Variants in SLC2A11 observed in about 807,000 individuals in gnomAD.
The protein encoded by SLC2A11 is solute carrier family 2 member 11, also known as solute carrier family 2, facilitated glucose transporter member 11.
In SLC2A11, 43 loss-of-function variants were observed where a neutral mutation model predicts 52.1. That is an observed-to-expected ratio of 0.82 (90% CI 0.65 to 1.06). The LOEUF is 1.06. SLC2A11 is among the 50% of genes least tolerant of loss of function. The probability of loss-of-function intolerance (pLI) is 0.00; values close to 1 mark genes in which losing one functional copy is unlikely to be tolerated. For synonymous variants in SLC2A11, 261 were observed against 277.6 expected (o/e 0.94, Z 0.59); for missense variants, 582 against 654.2 (o/e 0.89, Z 1.20).
At chr22:23,878,985 G>C (rs1178877941) in intron 6 of SLC2A11, among the ~76,000 whole-genome samples, 4 of 152,146 alleles carry the variant, frequency 2.6e-5, no homozygotes, top group Admixed American at 6.5e-5. Flanking sequence ...AGCAAGGCAG[G>C]CACAGTGCAG....
intron 1 of SLC2A11, among the ~76,000 whole-genome samples, chr22:23,860,696 G>A (rs749246907): frequency 2.0e-5 from 3 of 148,666 alleles, no homozygotes; most frequent in African/African-American, 5.0e-5. Flanking sequence ...TTGCGCCATT[G>A]CACTCCAGCC....
chr22:23,863,607 G>GTTTTTTTT (rs1568985269), intron 2 of SLC2A11, among the ~76,000 whole-genome samples: 11 of 113,154 alleles, frequency 9.7e-5, no homozygotes, highest in Non-Finnish European at 1.3e-4. Context: ...CTCTCTCTCT[G>GTTTTTTTT]GTTTTTTTTT....
At chr22:23,868,371 G>T in intron 2 of SLC2A11, 110 bp from the exon 3 acceptor site, 1 of 1,360,638 alleles carries the variant, frequency 7.3e-7, no homozygotes, top group South Asian at 1.3e-5. Context: ...GGTGCCTGTT[G>T]TCATTGCCTG....
chr22:23,863,695 C>A (rs572228111), intron 2 of SLC2A11, among the ~76,000 whole-genome samples: 1 of 143,864 alleles, frequency 7.0e-6, no homozygotes, highest in East Asian at 2.1e-4. Flanking sequence ...CGGTTCACTG[C>A]AACCTCCGCC....
rs35493116 is a variant in SLC2A11 at position 23,874,453 on chromosome 22, ATT to A, written c.291-650_291-649del. 3.6e-3 allele frequency among the ~76,000 whole-genome samples: 519 copies of A among 144,356 alleles called. 4 individuals carry two copies. Among genetic ancestry groups the A allele is most frequent in the African/African-American group, 0.011 (417 of 39,238 alleles). 94.7% of individuals were successfully genotyped at this position (144,356 alleles called of 152,430 possible). On this transcript the variant is annotated intron_variant, in intron 3 of 11. Transcript: ENST00000316185. ...AGGCGTGCGCCATCATGCATGGCTA[ATT>A]TTTTTTTTTTTTTGAGATGGAATTT...
At chr22:23,883,045 G>A (rs765103743) in intron 8 of SLC2A11, 176 bp downstream of exon 8, 58 of 699,044 alleles carry the variant, frequency 8.3e-5, no homozygotes, top group Non-Finnish European at 1.5e-4. Flanking sequence ...TGGATCACAA[G>A]GTCAGGAGTT....
At chr22:23,880,275 A>AG (rs71754649) in intron 6 of SLC2A11, 5 of 70,438 alleles carry the variant, frequency 7.1e-5, no homozygotes, top group Non-Finnish European at 1.1e-4. Context: ...AAAAAAAAAA[A>AG]AAAGAAAAGA....
intron 1 of SLC2A11, among the ~76,000 whole-genome samples, chr22:23,860,920 ACTGCT>A (rs1214051767): frequency 6.9e-6 from 1 of 143,942 alleles, no homozygotes; most frequent in African/African-American, 2.6e-5. Flanking sequence ...ATCTCGGCTC[ACTGCT>A]AGCTCCGCCT....
rs947018566 is a variant in SLC2A11 at position 23,878,294 on chromosome 22, C to T, written c.694+425C>T. Among the ~76,000 whole-genome samples the T allele has an allele frequency of 1.3e-4, 19 of 148,850 alleles. No homozygotes were observed. The East Asian group carries it at 3.4e-3, about 27-fold the overall frequency. ...ATTTACTGCTTCTTTTATTCATGTA[C>T]TTGCCTGGCTGGCTGCACAGCTCTG... On this transcript the variant is annotated intron_variant, in intron 6 of 11. Transcript: ENST00000316185.
Position 23,884,809 on chromosome 22 carries a change from C to A in SLC2A11, c.1460C>A (p.Thr487Lys). ...LNFPRRAQGPTWRSLEVIQST... is the reference protein window; with the variant it reads ...LNFPRRAQGPKWRSLEVIQST... The stretch of plus-strand genomic sequence containing the variant: ...TTCCCCAGGCGGGCCCAGGGCCCCA[C>A]GTGGAGGAGCCTGGAGGTTATCCAG... The change falls in exon 12 of 12, where the codon ACG becomes AAG. Residue 487 changes from threonine to lysine, a missense_variant. Transcript: ENST00000316185. This position sits in a 1 kb window ranked among gnomAD's most constrained non-coding sequence, Gnocchi z 4.3. The A allele has an allele frequency of 1.2e-6, 2 of 1,614,192 alleles. No homozygotes were observed. The highest frequency in any genetic ancestry group is 8.5e-7 in the Non-Finnish European group (1 of 1,180,026).
intron 8 of SLC2A11, 120 bp downstream of exon 8, chr22:23,882,989 G>A (rs750328933): frequency 7.4e-6 from 7 of 949,860 alleles, no homozygotes; most frequent in African/African-American, 1.6e-5. Context: ...GGCCAGGTGC[G>A]GTGGCTCATG....
chr22:23,864,983 C>T (rs192481184), intron 2 of SLC2A11, among the ~76,000 whole-genome samples: 164 of 151,894 alleles, frequency 1.1e-3, no homozygotes, highest in Non-Finnish European at 1.7e-3. Context: ...TGGCATGTGC[C>T]GTGATCCCAG....
intron 3 of SLC2A11, chr22:23,871,275 GGA>G (rs201765659): frequency 0.18 from 27,095 of 150,376 alleles, 2,528 homozygotes; most frequent in African/African-American, 0.23. Flanking sequence ...GCATGGTGGT[GGA>G]GACGCCTGTA....
upstream of SLC2A11, chr22:23,857,628 CA>C (rs754609639): frequency 2.5e-5 from 29 of 1,156,406 alleles, no homozygotes; most frequent in Non-Finnish European, 3.4e-5. Context: ...GCGAACTCCC[CA>C]GCACCCCCAG....
chr22:23,859,885 A>G (rs2031989470), intron 1 of SLC2A11, among the ~76,000 whole-genome samples: 1 of 152,246 alleles, frequency 6.6e-6, no homozygotes, highest in Non-Finnish European at 1.5e-5. Context: ...TGAAAATTGT[A>G]TCAAAGTTTT....
Position 23,880,144 on chromosome 22 carries a change from G to A in SLC2A11, c.694+2275G>A, listed in dbSNP as rs898079817. 4.6e-5 allele frequency among the ~76,000 whole-genome samples: 7 copies of A among 151,642 alleles called. No homozygotes were observed. In the East Asian group the frequency reaches 5.8e-4, roughly 13 times the overall value. On this transcript the variant is annotated intron_variant, in intron 6 of 11. Coordinates refer to ENST00000316185, the MANE Select transcript of SLC2A11 (RefSeq NM_001024939.4). ...GGAGAATTGCTTGAACCCGAGAGGCGGAGGTTGCAGTGGCAGGAGAATTGC... is the reference window on the plus strand; with the variant it reads ...GGAGAATTGCTTGAACCCGAGAGGCAGAGGTTGCAGTGGCAGGAGAATTGC...
At chr22:23,883,715 C>T (rs777012915) in intron 8 of SLC2A11, 57 bp from the exon 9 acceptor site, 2 of 1,404,670 alleles carry the variant, frequency 1.4e-6, no homozygotes, top group Non-Finnish European at 1.9e-6. Context: ...CCATTGCCTG[C>T]CCCAGACCTC....
chr22:23,870,675 A>ATTTTATT (rs147987004), intron 3 of SLC2A11: 6 of 150,918 alleles, frequency 4.0e-5, no homozygotes, highest in Non-Finnish European at 7.4e-5. Context: ...GGCTAATTTT[A>ATTTTATT]TTTTATTTTT....
At chr22:23,857,080 G>GC (rs1390873537), upstream of SLC2A11, 6 of 1,249,616 alleles carry the variant, frequency 4.8e-6, no homozygotes, top group Non-Finnish European at 6.7e-6. Flanking sequence ...GTGTGGGGGG[G>GC]GGGGGGTGTA....
Sources: gnomAD v4.1 joint callset for allele counts (sites outside exome capture counted in the v4.1 genomes callset) on GRCh38, gnomAD v4.1.1 for gene constraint, Gnocchi (gnomAD v3.1) non-coding constraint, MANE v1.5 for transcripts, NCBI Gene and HGNC (gene_info 2026-07-23, HGNC 2026-07-21) for gene names.